SHD: variants seen among roughly 807,000 people sequenced by gnomAD.
SHD encodes SH2 domain-containing adapter protein D.
In SHD, 29 loss-of-function variants were observed where a neutral mutation model predicts 31.2. The observed-to-expected ratio is 0.93, with a 90% CI of 0.69 to 1.27. The LOEUF is 1.27. Ranked by LOEUF, SHD falls within the 50% of genes most tolerant of loss-of-function variation. SHD has a pLI of 0.00. For missense variants in SHD, 520 were observed against 453.8 expected (o/e 1.15, Z -1.33); for synonymous variants, 208 against 187.8 (o/e 1.11, Z -0.88).
rs1281829648 is a variant in SHD at position 4,285,885 on chromosome 19, C to CTT, written c.716+983_716+984dup. On this transcript the variant is annotated intron_variant, in intron 4 of 5. Transcript: ENST00000543264. ...CTTCTCTTCTCTTTCTTTTCTTTTC[C>CTT]TTTCTTTTTTTTTTTTTTTTTTTTT... Among the ~76,000 whole-genome samples the CTT allele has an allele frequency of 4.3e-5, 4 of 93,978 alleles. No homozygotes were observed. In the South Asian group the frequency reaches 1.5e-3, roughly 36 times the overall value. The allele number at this position is 93,978 out of a possible 152,430, so 61.7% of individuals were successfully genotyped here. A position where few individuals can be genotyped will look rare whatever the true frequency, so the allele number is the denominator to read the frequency against.
chr19:4,282,200 A>C (rs1456759374), intron 1 of SHD, among the ~76,000 whole-genome samples: 1 of 152,084 alleles, frequency 6.6e-6, no homozygotes, highest in African/African-American at 2.4e-5. Flanking sequence ...CGGGCGGATC[A>C]TCTGAGGTCA....
chr19:4,283,114 C>A lies in SHD; in HGVS notation c.464C>A (p.Thr155Lys). The A allele has an allele frequency of 6.2e-7, 1 of 1,614,150 alleles. No individual in the cohort carries two copies. ...CCTTATGAGGAACAGGACCCAGAGA[C>A]AGCAGATGGACCCCCTTCTGGGCAG... is the stretch of plus-strand genomic sequence containing the variant. ...DTPYEEQDPE[T>K]ADGPPSGQKP... Residue 155 changes from threonine to lysine, a missense_variant, in exon 3 of 6, where the codon ACA becomes AAA. Coordinates refer to ENST00000543264, the MANE Select transcript of SHD (RefSeq NM_020209.4).
chr19:4,286,807 G>A (rs976422833), intron 4 of SHD, among the ~76,000 whole-genome samples: 2 of 151,946 alleles, frequency 1.3e-5, no homozygotes, highest in African/African-American at 2.4e-5. Flanking sequence ...TTGAACCTGC[G>A]AGGTGGAGGT....
chr19:4,286,109 C>G (rs376119257), intron 4 of SHD, among the ~76,000 whole-genome samples: 21 of 151,892 alleles, frequency 1.4e-4, no homozygotes, highest in African/African-American at 5.1e-4. Context: ...CCAGGCTGGT[C>G]TCAAACTCCT....
chr19:4,290,344 ACACGAG>A (rs1971364170), intron 5 of SHD, 97 bp from the exon 6 acceptor site: 2 of 1,259,414 alleles, frequency 1.6e-6, no homozygotes, highest in East Asian at 4.7e-5. Flanking sequence ...GACTGGAGAC[ACACGAG>A]CACCTGGCCT....
At chr19:4,286,270 T>C (rs1427207780) in intron 4 of SHD, among the ~76,000 whole-genome samples, 97 of 127,382 alleles carry the variant, frequency 7.6e-4, no homozygotes, top group East Asian at 2.0e-3. Flanking sequence ...TCTCTTTCTT[T>C]CTTTCTTTCT....
In SHD at chr19:4,284,882, GC is replaced by G. The variant is rs1418131173; in HGVS notation, c.697del (p.Leu233CysfsTer13). 2 of 1,606,388 alleles carry G rather than the reference GC, an allele frequency of 1.2e-6. No homozygotes were observed. The highest frequency in any genetic ancestry group is 3.3e-4 in the Middle Eastern group (2 of 6,044). ...CCAGCCTGCGGAGCGTGTGGACCCA[GC>G]CCTGCCCCTGGAGAAACAGCCGTGA... ...SPQPAERVDP[A>X]LPLEKQPWFH... On this transcript the variant is annotated frameshift_variant, in exon 4 of 6. Coordinates refer to ENST00000543264, the MANE Select transcript of SHD (RefSeq NM_020209.4). LOFTEE classifies it high-confidence loss of function.
Position 4,279,785 on chromosome 19 carries a change from G to A in SHD, c.-279G>A, listed in dbSNP as rs1015463955. The A allele has an allele frequency of 1.7e-5, 8 of 472,026 alleles. No homozygotes were observed. Among genetic ancestry groups the A allele is most frequent in the Admixed American group, 3.9e-5 (1 of 25,660 alleles). The allele number at this position is 472,026 out of a possible 1,614,324, so 29.2% of individuals were successfully genotyped here. A position where few individuals can be genotyped will look rare whatever the true frequency, so the allele number is the denominator to read the frequency against. The stretch of plus-strand genomic sequence containing the variant: ...TAGCCCCCAGCGCGCGGGGTTCGGG[G>A]CCCTGCGAGGTCCCCCCTTCCCCCG... On this transcript the variant is annotated 5_prime_UTR_variant, in exon 1 of 6. Coordinates refer to ENST00000543264, the MANE Select transcript of SHD (RefSeq NM_020209.4). The surrounding 1 kb of genome is among the most constrained non-coding windows in gnomAD (Gnocchi z 7.5).
intron 5 of SHD, among the ~76,000 whole-genome samples, chr19:4,289,990 C>A (rs910439924): frequency 6.6e-6 from 1 of 151,984 alleles, no homozygotes; most frequent in Non-Finnish European, 1.5e-5. Context: ...ATTCTCATGC[C>A]TCAGCCTCTT....
chr19:4,279,989 T>C lies in SHD; in HGVS notation c.-75T>C. ...CTTCCTCTCCACCTCCTCCTCCTCC[T>C]TGGGGAAAGGGGCCCGGAGAAGGGC... On this transcript the variant is annotated 5_prime_UTR_variant, in exon 1 of 6. Coordinates refer to ENST00000543264, the MANE Select transcript of SHD (RefSeq NM_020209.4). This position sits in a 1 kb window ranked among gnomAD's most constrained non-coding sequence, Gnocchi z 7.5. 3.4e-6 allele frequency: 5 copies of C among 1,462,950 alleles called. No individual in the cohort carries two copies. Among genetic ancestry groups the C allele is most frequent in the Non-Finnish European group, 3.6e-6 (4 of 1,101,532 alleles). 90.6% of individuals were successfully genotyped at this position (1,462,950 alleles called of 1,614,324 possible).
chr19:4,283,196 T>G lies in SHD; in HGVS notation c.546T>G (p.Asp182Glu). 6.2e-7 allele frequency: 1 copy of G among 1,614,148 alleles called. No individual in the cohort carries two copies. Among genetic ancestry groups the G allele is most frequent in the Non-Finnish European group, 8.5e-7 (1 of 1,180,044 alleles). The change falls in exon 3 of 6, where the codon GAT becomes GAG. Residue 182 changes from aspartate (D) to glutamate (E), a missense_variant. Physicochemically the swap from Asp to Glu is conservative, Grantham distance 45. Coordinates refer to ENST00000543264, the MANE Select transcript of SHD (RefSeq NM_020209.4). ...ATGAACGGCCAGCAGATGAGTATGA[T>G]CAGCCCTGGGAGTGGAAGAAAGACC... is the stretch of plus-strand genomic sequence containing the variant. Reference protein sequence around the residue: ...QEDERPADEYDQPWEWKKDHI... With the variant: ...QEDERPADEYEQPWEWKKDHI...
At position 4,284,836 on chromosome 19, in the gene SHD, G is replaced by A; in HGVS notation, c.648G>A (p.Arg216=). The change falls in exon 4 of 6, where the codon CGG becomes CGA. Residue 216 remains arginine (R), a synonymous_variant. Coordinates refer to ENST00000543264, the MANE Select transcript of SHD (RefSeq NM_020209.4). ...ERTPGSAKEL[R]RPPPRSPQPA... Reference sequence around the variant, plus strand: ...CTCCAGGCTCAGCCAAGGAGCTCCGGAGACCTCCGCCCAGAAGCCCCCAGC... The same window carrying A: ...CTCCAGGCTCAGCCAAGGAGCTCCGAAGACCTCCGCCCAGAAGCCCCCAGC... 1 of 1,613,204 alleles carries A rather than the reference G, an allele frequency of 6.2e-7. No individual in the cohort carries two copies. The highest frequency in any genetic ancestry group is 8.5e-7 in the Non-Finnish European group (1 of 1,179,598).
intron 1 of SHD, among the ~76,000 whole-genome samples, chr19:4,281,282 CAA>C (rs72274547): frequency 6.8e-6 from 1 of 147,330 alleles, no homozygotes; most frequent in Non-Finnish European, 1.5e-5. Flanking sequence ...CTTGTCTCTA[CAA>C]AAAAAAAATC....
At position 4,289,559 on chromosome 19, in the gene SHD, A is replaced by AT. The variant is rs1201007135; in HGVS notation, c.837-886dup. On this transcript the variant is annotated intron_variant, in intron 5 of 5. Coordinates refer to ENST00000543264, the MANE Select transcript of SHD (RefSeq NM_020209.4). ...CTGCACCTGGCCTCTTATTATTATT[A>AT]TTATTTATTTATTTATTTATTTATT... Among the ~76,000 whole-genome samples the AT allele has an allele frequency of 8.5e-4, 125 of 146,832 alleles. 1 individual carries two copies. The highest frequency in any genetic ancestry group is 2.6e-3 in the African/African-American group (104 of 39,584).
At chr19:4,287,259 G>A (rs1568369709) in intron 4 of SHD, among the ~76,000 whole-genome samples, 1 of 151,976 alleles carries the variant, frequency 6.6e-6, no homozygotes, top group Admixed American at 6.6e-5. Context: ...GTGAACCGGG[G>A]AGGCGGAGCT....
At chr19:4,281,826 C>T (rs543125119) in intron 1 of SHD, among the ~76,000 whole-genome samples, 5 of 152,172 alleles carry the variant, frequency 3.3e-5, no homozygotes, top group Admixed American at 2.0e-4. Context: ...ACCAGTCAGC[C>T]GGGATCAGAC....
intron 4 of SHD, among the ~76,000 whole-genome samples, chr19:4,287,977 T>G (rs1213832121): frequency 3.3e-5 from 5 of 151,668 alleles, no homozygotes; most frequent in Non-Finnish European, 7.4e-5. Context: ...CAATCTCAGC[T>G]CACAACTTCC....
chr19:4,282,882 A>C lies in SHD; in HGVS notation c.310A>C (p.Thr104Pro). The C allele has an allele frequency of 1.2e-6, 2 of 1,613,914 alleles. No homozygotes were observed. Among genetic ancestry groups the C allele is most frequent in the Non-Finnish European group, 1.7e-6 (2 of 1,179,950 alleles). The change falls in exon 2 of 6, where the codon ACT becomes CCT. Residue 104 changes from threonine to proline, a missense_variant. Transcript: ENST00000543264. ...GGPGEELEAD[T>P]EYLDPFDAQP... is the part of the protein sequence containing the mutation. Reference sequence around the variant, plus strand: ...CTTCTCTCCGCAGCTGGAAGCCGACACTGAGTATTTAGACCCCTTTGATGC... The same window carrying C: ...CTTCTCTCCGCAGCTGGAAGCCGACCCTGAGTATTTAGACCCCTTTGATGC...
At chr19:4,285,638 C>G (rs1297964604) in intron 4 of SHD, among the ~76,000 whole-genome samples, 1 of 149,576 alleles carries the variant, frequency 6.7e-6, no homozygotes, top group Non-Finnish European at 1.5e-5. Flanking sequence ...CAACCTCCAT[C>G]TCACAGGTTC....
Sources: allele counts gnomAD v4.1 joint callset (sites outside exome capture counted in the v4.1 genomes callset), GRCh38; gene constraint gnomAD v4.1.1; non-coding constraint Gnocchi (gnomAD v3.1); transcripts MANE v1.5; gene names NCBI Gene and HGNC (gene_info 2026-07-23, HGNC 2026-07-21).